The following MECOM variants were observed in gnomAD, a reference collection of about 807,000 sequenced individuals.
MECOM encodes the protein MDS1 and EVI1 complex locus.
Under a neutral mutation model 116.3 loss-of-function variants are expected in MECOM, and 13 were observed. That is an observed-to-expected ratio of 0.11 (90% CI 0.07 to 0.18). The LOEUF (loss-of-function observed/expected upper bound fraction) is 0.18. Among genes scored for constraint, MECOM ranks in the 10% least tolerant of loss-of-function variants. The pLI, the probability that MECOM is intolerant of heterozygous loss-of-function variation, is 1.00. For synonymous variants in MECOM, 528 were observed against 535.2 expected, an observed-to-expected ratio of 0.99 and a Z score of 0.19; for missense variants, 1,299 against 1,509.0, an observed-to-expected ratio of 0.86 and a Z score of 2.31.
intron 9 of MECOM, among the ~76,000 whole-genome samples, chr3:169,109,205 A>T (rs1277165265): frequency 1.3e-5 from 2 of 152,218 alleles, no homozygotes; most frequent in Admixed American, 6.5e-5. Flanking sequence ...TACAGTGACC[A>T]TAAATAATTT....
intron 2 of MECOM, chr3:169,146,478 G>A: frequency 2.2e-6 from 3 of 1,383,426 alleles, no homozygotes; most frequent in South Asian, 2.3e-5. Context: ...GAAACCCACC[G>A]AAGGCCGGAC....
Position 169,102,149 on chromosome 3 carries a change from C to G in MECOM, c.2682G>C (p.Gln894His). The change falls in exon 11 of 17, where the codon CAG becomes CAC. Residue 894 changes from glutamine (Q) to histidine (H), a missense_variant. This residue lies in a region of MECOM where 340 missense variants were observed against 312.6 expected (regional missense o/e 1.09). Transcript: ENST00000651503. ...TGAAGTTGAACATAGAGGGCACTGA[C>G]TGTAAGAGCTCACTGGCCTCAGGTT... The part of the protein sequence containing the change: ...ALKPEASELL[Q>H]SVPSMFNFRA... The G allele has an allele frequency of 6.2e-7, 1 of 1,613,952 alleles. No individual in the cohort carries two copies.
intron 2 of MECOM, among the ~76,000 whole-genome samples, chr3:169,189,096 A>C (rs1747168314): frequency 6.6e-6 from 1 of 152,120 alleles, no homozygotes; most frequent in African/African-American, 2.4e-5. Context: ...TCCTAGAACA[A>C]CATATATTTA....
At chr3:169,387,343 T>C (rs1733513814) in intron 1 of MECOM, among the ~76,000 whole-genome samples, 1 of 152,248 alleles carries the variant, frequency 6.6e-6, no homozygotes, top group Non-Finnish European at 1.5e-5. Flanking sequence ...ATTCTTCGGT[T>C]CTTATTTGCA....
chr3:169,176,516 A>G (rs1745191966), intron 2 of MECOM, among the ~76,000 whole-genome samples: 1 of 152,178 alleles, frequency 6.6e-6, no homozygotes, highest in Admixed American at 6.5e-5. Context: ...TAAAAACCCT[A>G]GAAGAAAACC....
At chr3:169,350,381 C>T (rs988620825) in intron 2 of MECOM, among the ~76,000 whole-genome samples, 1 of 151,936 alleles carries the variant, frequency 6.6e-6, no homozygotes, top group Admixed American at 6.6e-5. Flanking sequence ...GGCCAGATGG[C>T]TCCACAGTGG....
At chr3:169,434,640 T>C (rs1161871593) in intron 1 of MECOM, among the ~76,000 whole-genome samples, 2 of 152,202 alleles carry the variant, frequency 1.3e-5, no homozygotes, top group Admixed American at 1.3e-4. Context: ...CCTCACAACA[T>C]TGTACATTTA....
intron 1 of MECOM, among the ~76,000 whole-genome samples, chr3:169,480,311 C>A (rs1042166028): frequency 3.3e-5 from 5 of 152,174 alleles, no homozygotes; most frequent in African/African-American, 1.2e-4. Flanking sequence ...TTGCCTTCAA[C>A]ACTGCAATCT....
chr3:169,484,813 A>T (rs941014040), intron 1 of MECOM, among the ~76,000 whole-genome samples: 1 of 152,166 alleles, frequency 6.6e-6, no homozygotes, highest in African/African-American at 2.4e-5. Flanking sequence ...ATTGACAAGC[A>T]TATCAAAAGA....
intron 2 of MECOM, among the ~76,000 whole-genome samples, chr3:169,317,038 C>T (rs899131179): frequency 6.6e-6 from 1 of 152,172 alleles, no homozygotes; most frequent in African/African-American, 2.4e-5. Context: ...TTAACTATTT[C>T]CCAGCGTGAG....
chr3:169,108,555 G>T (rs1216877592), intron 9 of MECOM, among the ~76,000 whole-genome samples: 1 of 152,048 alleles, frequency 6.6e-6, no homozygotes, highest in Non-Finnish European at 1.5e-5. Flanking sequence ...ACCTTCAGTG[G>T]GTTAGAAGCT....
intron 2 of MECOM, among the ~76,000 whole-genome samples, chr3:169,341,463 C>A (rs891139176): frequency 1.3e-5 from 2 of 149,712 alleles, no homozygotes; most frequent in Non-Finnish European, 3.0e-5. Context: ...CAGAAGGGGC[C>A]GAGCGCGGTG....
At chr3:169,539,916 G>A (rs1759867927) in intron 1 of MECOM, among the ~76,000 whole-genome samples, 1 of 152,102 alleles carries the variant, frequency 6.6e-6, no homozygotes. Flanking sequence ...AAAATGAAGA[G>A]CTACAAGAGT....
At chr3:169,342,155 T>C (rs1047331130) in intron 2 of MECOM, among the ~76,000 whole-genome samples, 1 of 152,134 alleles carries the variant, frequency 6.6e-6, no homozygotes, top group Non-Finnish European at 1.5e-5. Context: ...ATTTCAGTAC[T>C]TATGCTGTCA....
At chr3:169,663,284 C>T in intron 1 of MECOM, 52 bp downstream of exon 1, 1 of 1,574,680 alleles carries the variant, frequency 6.4e-7, no homozygotes, top group Admixed American at 1.8e-5. Context: ...GACAGATATG[C>T]AAGATGGCAG....
At chr3:169,237,292 C>T (rs1844069) in intron 2 of MECOM, among the ~76,000 whole-genome samples, 81,189 of 151,994 alleles carry the variant, frequency 0.53, 22,156 homozygotes, top group Middle Eastern at 0.69. Flanking sequence ...AAAAATGAAA[C>T]ATCTTCAATG....
chr3:169,641,637 T>C (rs1484476517), intron 1 of MECOM, among the ~76,000 whole-genome samples: 1 of 152,258 alleles, frequency 6.6e-6, no homozygotes, highest in Non-Finnish European at 1.5e-5. Context: ...CATTTTTTAG[T>C]TAACAAAGCA....
intron 1 of MECOM, among the ~76,000 whole-genome samples, chr3:169,386,875 C>T (rs1733410787): frequency 6.6e-6 from 1 of 152,072 alleles, no homozygotes; most frequent in Non-Finnish European, 1.5e-5. Context: ...AATTATATAT[C>T]TATTACTGCT....
At chr3:169,523,824 C>T in intron 1 of MECOM, among the ~76,000 whole-genome samples, 1 of 151,120 alleles carries the variant, frequency 6.6e-6, no homozygotes, top group East Asian at 2.0e-4. Context: ...TATATACACA[C>T]ATATATATAT....
Sources: gnomAD v4.1 joint callset for allele counts (sites outside exome capture counted in the v4.1 genomes callset) on GRCh38, gnomAD v4.1.1 for gene constraint, gnomAD v4.1.1 regional missense constraint, MANE v1.5 for transcripts, NCBI Gene and HGNC (gene_info 2026-07-23, HGNC 2026-07-21) for gene names.